PTPRD: variants seen among roughly 807,000 people sequenced by gnomAD.
The protein encoded by PTPRD is receptor-type tyrosine-protein phosphatase delta.
Under a neutral mutation model 214.5 loss-of-function variants are expected in PTPRD, and 34 were observed. The observed-to-expected ratio is 0.16, with a 90% CI of 0.12 to 0.21. The LOEUF (loss-of-function observed/expected upper bound fraction) is 0.21, where lower values mean the gene tolerates loss of function less well. Ranked by LOEUF, PTPRD falls within the 10% of genes least tolerant of loss-of-function variation. The pLI, the probability that PTPRD is intolerant of heterozygous loss-of-function variation, is 1.00. For missense variants in PTPRD, 2,545 were observed against 2,398.7 expected (o/e 1.06, Z -1.27); for synonymous variants, 1,128 against 845.7 (o/e 1.33, Z -5.79).
At chr9:8,459,798 G>A (rs1024298053) in intron 33 of PTPRD, among the ~76,000 whole-genome samples, 2 of 152,136 alleles carry the variant, frequency 1.3e-5, no homozygotes, top group Admixed American at 6.5e-5. Flanking sequence ...ATAGTACCTT[G>A]GCATCCCTTT....
At chr9:8,321,905 T>C (rs1216278627) in intron 44 of PTPRD, among the ~76,000 whole-genome samples, 1 of 152,114 alleles carries the variant, frequency 6.6e-6, no homozygotes, top group Non-Finnish European at 1.5e-5. Flanking sequence ...TGAACAAGTA[T>C]ATTGGTGCCA....
At chr9:10,088,256 G>A (rs2098381407) in intron 3 of PTPRD, among the ~76,000 whole-genome samples, 1 of 151,706 alleles carries the variant, frequency 6.6e-6, no homozygotes, top group Non-Finnish European at 1.5e-5. Flanking sequence ...GTACCAGTAG[G>A]AAATTTCTTC....
chr9:9,305,705 T>G (rs564373000), intron 9 of PTPRD, among the ~76,000 whole-genome samples: 1 of 152,096 alleles, frequency 6.6e-6, no homozygotes, highest in South Asian at 2.1e-4. Context: ...ATCCAGTGAT[T>G]AGTGTTTTTA....
intron 5 of PTPRD, among the ~76,000 whole-genome samples, chr9:9,788,482 G>A (rs1432626179): frequency 2.7e-5 from 4 of 149,308 alleles, no homozygotes; most frequent in African/African-American, 7.4e-5. Context: ...AACCCGGGAG[G>A]CAGAGCTTGC....
At chr9:9,664,621 AT>A (rs1282782075) in intron 7 of PTPRD, among the ~76,000 whole-genome samples, 1 of 151,704 alleles carries the variant, frequency 6.6e-6, no homozygotes, top group Non-Finnish European at 1.5e-5. Context: ...TAGACAATTC[AT>A]TTTACTAGGA....
At chr9:9,555,253 A>C (rs928646405) in intron 8 of PTPRD, among the ~76,000 whole-genome samples, 1 of 152,050 alleles carries the variant, frequency 6.6e-6, no homozygotes, top group South Asian at 2.1e-4. Flanking sequence ...AAAATATCTT[A>C]TTAGGGCAGA....
At chr9:9,647,285 T>C (rs2096216769) in intron 7 of PTPRD, among the ~76,000 whole-genome samples, 1 of 152,204 alleles carries the variant, frequency 6.6e-6, no homozygotes, top group Non-Finnish European at 1.5e-5. Flanking sequence ...TTAAAGACAA[T>C]TTATTTGATG....
At chr9:9,152,832 C>A (rs919126489) in intron 10 of PTPRD, among the ~76,000 whole-genome samples, 1 of 152,128 alleles carries the variant, frequency 6.6e-6, no homozygotes, top group Non-Finnish European at 1.5e-5. Flanking sequence ...GAGAAATGAA[C>A]CAGATAAATT....
At chr9:10,105,552 T>G (rs2098618808) in intron 3 of PTPRD, among the ~76,000 whole-genome samples, 1 of 151,782 alleles carries the variant, frequency 6.6e-6, no homozygotes, top group Non-Finnish European at 1.5e-5. Context: ...GCAGTTCAGT[T>G]AGATGACTTC....
At chr9:9,651,420 G>C (rs1014025053) in intron 7 of PTPRD, among the ~76,000 whole-genome samples, 9 of 152,024 alleles carry the variant, frequency 5.9e-5, no homozygotes, top group African/African-American at 2.2e-4. Flanking sequence ...AAAAACCTTA[G>C]GGAGTGTTGT....
intron 3 of PTPRD, among the ~76,000 whole-genome samples, chr9:10,090,631 A>T (rs931889602): frequency 2.0e-5 from 3 of 149,774 alleles, no homozygotes; most frequent in South Asian, 2.1e-4. Flanking sequence ...ATACATAAAT[A>T]AAAAAACCAC....
chr9:8,935,624 A>G (rs1339193131), intron 11 of PTPRD, among the ~76,000 whole-genome samples: 4 of 152,224 alleles, frequency 2.6e-5, no homozygotes, highest in African/African-American at 9.6e-5. Flanking sequence ...TATCTTTACT[A>G]GAAGCCCTGG....
At chr9:9,249,118 T>A (rs2099974337) in intron 9 of PTPRD, among the ~76,000 whole-genome samples, 1 of 152,052 alleles carries the variant, frequency 6.6e-6, no homozygotes, top group African/African-American at 2.4e-5. Flanking sequence ...CTTGGTGCCC[T>A]CCTATGGTTA....
chr9:8,485,393 G>T (rs1392087897), intron 28 of PTPRD, 69 bp from the exon 29 acceptor site: 3 of 1,059,486 alleles, frequency 2.8e-6, no homozygotes, highest in African/African-American at 3.2e-5. Flanking sequence ...TTCCACCATG[G>T]ACCATAGGGG....
At position 9,681,164 on chromosome 9, in the gene PTPRD, C is replaced by T. The variant is rs1226395357; in HGVS notation, c.-287+53369G>A. Among the ~76,000 whole-genome samples, 4 of 151,744 alleles carry T rather than the reference C, an allele frequency of 2.6e-5. 1 individual carries two copies. The highest frequency in any genetic ancestry group is 3.9e-4 in the East Asian group (2 of 5,144). On this transcript the variant is annotated intron_variant, in intron 7 of 45. Coordinates refer to ENST00000381196, the MANE Select transcript of PTPRD (RefSeq NM_002839.4). ...TTCCATTCACTTGAATCTGGGATAC[C>T]TTCTTATAAATAATGTAATGAAAAC... is the stretch of plus-strand genomic sequence containing the variant.
intron 11 of PTPRD, among the ~76,000 whole-genome samples, chr9:9,015,254 G>A (rs1417879637): frequency 6.6e-6 from 1 of 152,096 alleles, no homozygotes; most frequent in Non-Finnish European, 1.5e-5. Flanking sequence ...GGCATTCTAA[G>A]TCACAGGATG....
intron 5 of PTPRD, among the ~76,000 whole-genome samples, chr9:9,897,239 C>T (rs112437450): frequency 0.015 from 2,323 of 151,884 alleles, 62 homozygotes; most frequent in African/African-American, 0.053. Flanking sequence ...AATCTAGAGG[C>T]AGAGGTATGA....
intron 2 of PTPRD, among the ~76,000 whole-genome samples, chr9:10,453,106 C>G (rs544493793): frequency 6.6e-6 from 1 of 151,646 alleles, no homozygotes; most frequent in East Asian, 1.9e-4. Context: ...TCTTTAAGCT[C>G]TTGTCAAGGA....
At chr9:10,412,629 CACAA>C (rs1372870362) in intron 2 of PTPRD, among the ~76,000 whole-genome samples, 30 of 37,930 alleles carry the variant, frequency 7.9e-4, no homozygotes, top group East Asian at 2.1e-3. Context: ...CACACACACA[CACAA>C]ACACACACAC....
Sources: gnomAD v4.1 joint callset for allele counts (sites outside exome capture counted in the v4.1 genomes callset) on GRCh38, gnomAD v4.1.1 for gene constraint, MANE v1.5 for transcripts, NCBI Gene and HGNC (gene_info 2026-07-23, HGNC 2026-07-21) for gene names.